Variants in SGCZ observed in about 807,000 individuals in gnomAD.
SGCZ encodes sarcoglycan zeta.
In SGCZ, 40 loss-of-function variants were observed where a neutral mutation model predicts 41.3. The ratio of observed to expected loss-of-function variants is 0.97; its 90% CI spans 0.75 to 1.26. The LOEUF (loss-of-function observed/expected upper bound fraction) is 1.26, where lower values mean the gene tolerates loss of function less well. Among genes scored for constraint, SGCZ ranks in the 50% most tolerant of loss-of-function variants. The pLI is 0.00. For synonymous variants in SGCZ, 206 were observed against 137.5 expected (o/e 1.50, Z -3.49); for missense variants, 552 against 369.8 (o/e 1.49, Z -4.04).
intron 2 of SGCZ, among the ~76,000 whole-genome samples, chr8:14,549,071 A>G (rs936365428): frequency 6.6e-6 from 1 of 152,042 alleles, no homozygotes; most frequent in Admixed American, 6.6e-5. Context: ...TTGCCGGCCA[A>G]TGCTGCCTGT....
intron 1 of SGCZ, among the ~76,000 whole-genome samples, chr8:14,889,788 T>G (rs900005603): frequency 4.6e-5 from 7 of 152,126 alleles, no homozygotes; most frequent in African/African-American, 1.7e-4. Context: ...TATATTTTAT[T>G]TTACAATATT....
At position 14,850,261 on chromosome 8, in the gene SGCZ, C is replaced by G. The variant is rs183564406; in HGVS notation, c.40-295335G>C. Among the ~76,000 whole-genome samples, 652 of 152,230 alleles carry G rather than the reference C, an allele frequency of 4.3e-3. 4 individuals are homozygous for G. Among genetic ancestry groups the G allele is most frequent in the South Asian group, 0.018 (87 of 4,824 alleles). ...CAATTTACTGAACAGTTAAAATATGCATGCACTGTGCTGGGCCGTGAAGTT... is the reference window on the plus strand; with the variant it reads ...CAATTTACTGAACAGTTAAAATATGGATGCACTGTGCTGGGCCGTGAAGTT... On this transcript the variant is annotated intron_variant, in intron 1 of 7. Coordinates refer to ENST00000382080, the MANE Select transcript of SGCZ (RefSeq NM_139167.4).
intron 3 of SGCZ, among the ~76,000 whole-genome samples, chr8:14,303,713 A>T (rs1274877257): frequency 6.6e-6 from 1 of 152,064 alleles, no homozygotes; most frequent in African/African-American, 2.4e-5. Context: ...TAAATAGCAA[A>T]ATCTCTCTCT....
intron 2 of SGCZ, among the ~76,000 whole-genome samples, chr8:14,464,918 T>C (rs927242887): frequency 4.0e-5 from 6 of 151,688 alleles, no homozygotes; most frequent in African/African-American, 1.4e-4. Flanking sequence ...ATTCCTAATT[T>C]AATGCCATTG....
chr8:14,465,788 C>G (rs1801031447), intron 2 of SGCZ, among the ~76,000 whole-genome samples: 1 of 151,758 alleles, frequency 6.6e-6, no homozygotes, highest in African/African-American at 2.4e-5. Context: ...ATGCCTCTGT[C>G]TCCAATTATT....
intron 1 of SGCZ, among the ~76,000 whole-genome samples, chr8:14,779,908 T>C (rs1359013665): frequency 1.3e-5 from 2 of 152,248 alleles, no homozygotes; most frequent in Non-Finnish European, 2.9e-5. Context: ...GACCAACGTA[T>C]GATCTAGAGA....
At position 14,634,797 on chromosome 8, in the gene SGCZ, T is replaced by G. The variant is rs955736003; in HGVS notation, c.40-79871A>C. On this transcript the variant is annotated intron_variant, in intron 1 of 7. Transcript: ENST00000382080. The stretch of plus-strand genomic sequence containing the variant: ...ATCAAAGCCTAAAGGAATAAAGAAT[T>G]ACTTTCCAGATAATTCAGAAAGGAA... Among the ~76,000 whole-genome samples the G allele has an allele frequency of 1.3e-5, 2 of 151,902 alleles. 1 individual carries two copies. Among genetic ancestry groups the G allele is most frequent in the East Asian group, 3.9e-4 (2 of 5,176 alleles).
intron 5 of SGCZ, among the ~76,000 whole-genome samples, chr8:14,141,816 G>A (rs1370953470): frequency 6.6e-6 from 1 of 152,112 alleles, no homozygotes; most frequent in East Asian, 1.9e-4. Flanking sequence ...CCATTACTGG[G>A]TATATACCCA....
chr8:14,581,388 T>C lies in SGCZ; in HGVS notation c.40-26462A>G, dbSNP rs77200709. Among the ~76,000 whole-genome samples the C allele has an allele frequency of 1.1e-4, 16 of 152,136 alleles. No individual in the cohort carries two copies. The East Asian group carries it at 2.9e-3, about 28-fold the overall frequency. On this transcript the variant is annotated intron_variant, in intron 1 of 7. Transcript: ENST00000382080. ...TTCCAAAATGCTGGGAATACAGGCA[T>C]GAGCCATGAGCCACTGCGCCCGGCC...
chr8:14,840,648 T>C (rs186701945), intron 1 of SGCZ, among the ~76,000 whole-genome samples: 1 of 152,100 alleles, frequency 6.6e-6, no homozygotes, highest in African/African-American at 2.4e-5. Flanking sequence ...CTATCTTAAC[T>C]TAGAAGTAGA....
chr8:15,120,177 T>C (rs1451748899), intron 1 of SGCZ, among the ~76,000 whole-genome samples: 1 of 152,236 alleles, frequency 6.6e-6, no homozygotes, highest in Non-Finnish European at 1.5e-5. Context: ...AATGTTTCAC[T>C]GATCCTGCCA....
chr8:14,313,954 G>GT (rs1801630850), intron 3 of SGCZ, among the ~76,000 whole-genome samples: 1 of 134,854 alleles, frequency 7.4e-6, no homozygotes, highest in East Asian at 2.3e-4. Flanking sequence ...GTGTGTGTGT[G>GT]TTGGTGGAGA....
chr8:14,915,168 G>T (rs1799395259), intron 1 of SGCZ, among the ~76,000 whole-genome samples: 2 of 151,460 alleles, frequency 1.3e-5, no homozygotes, highest in African/African-American at 4.9e-5. Context: ...ATATAATGTT[G>T]GCATGCATTT....
chr8:14,180,206 A>G (rs986687069), intron 4 of SGCZ, among the ~76,000 whole-genome samples: 1 of 152,164 alleles, frequency 6.6e-6, no homozygotes, highest in African/African-American at 2.4e-5. Context: ...ATCCCATAAA[A>G]GGGTGAGGGC....
At chr8:14,972,834 T>G (rs1432389728) in intron 1 of SGCZ, among the ~76,000 whole-genome samples, 1 of 152,188 alleles carries the variant, frequency 6.6e-6, no homozygotes, top group Non-Finnish European at 1.5e-5. Context: ...AAACATGCTA[T>G]AAATTCTACT....
chr8:14,194,610 T>C (rs1031822309), intron 4 of SGCZ, among the ~76,000 whole-genome samples: 23 of 152,056 alleles, frequency 1.5e-4, no homozygotes, highest in African/African-American at 5.3e-4. Context: ...TACATTTTTC[T>C]GCTTCTGGCC....
At chr8:14,589,134 T>A (rs1357354229) in intron 1 of SGCZ, among the ~76,000 whole-genome samples, 1 of 152,098 alleles carries the variant, frequency 6.6e-6, no homozygotes, top group African/African-American at 2.4e-5. Context: ...TGTATACATA[T>A]GTAACAAACC....
chr8:15,200,726 C>G (rs1181976996), intron 1 of SGCZ, among the ~76,000 whole-genome samples: 1 of 152,068 alleles, frequency 6.6e-6, no homozygotes, highest in Non-Finnish European at 1.5e-5. Context: ...GATAATATTC[C>G]TGAATTGTAG....
chr8:15,012,613 A>T (rs1032710962), intron 1 of SGCZ, among the ~76,000 whole-genome samples: 1 of 137,264 alleles, frequency 7.3e-6, no homozygotes, highest in East Asian at 2.0e-4. Flanking sequence ...TATAATACAT[A>T]TATGTTTATA....
Sources: gnomAD v4.1 joint callset for allele counts (sites outside exome capture counted in the v4.1 genomes callset) on GRCh38, gnomAD v4.1.1 for gene constraint, MANE v1.5 for transcripts, NCBI Gene and HGNC (gene_info 2026-07-23, HGNC 2026-07-21) for gene names.